Variants in FAT3 observed in about 807,000 individuals in gnomAD.
FAT3 encodes the protein protocadherin Fat 3.
A neutral mutation model predicts 310.2 loss-of-function variants in FAT3; 95 were observed. That is an observed-to-expected ratio of 0.31 (90% CI 0.26 to 0.36). FAT3 has a LOEUF of 0.36. Among genes scored for constraint, FAT3 ranks in the 10% least tolerant of loss-of-function variants. FAT3 has a pLI of 1.00. For missense variants in FAT3, 5,408 were observed against 5,715.6 expected (o/e 0.95, Z 1.74); for synonymous variants, 2,314 against 2,192.9 (o/e 1.06, Z -1.54).
rs1948624589 is a variant in FAT3, at chr11:92,353,377, T to G, written c.1265T>G (p.Ile422Ser). 2 of 1,613,460 alleles carry G rather than the reference T, an allele frequency of 1.2e-6. No homozygotes were observed. Among genetic ancestry groups the G allele is most frequent in the East Asian group, 4.5e-5 (2 of 44,862 alleles). The change falls in exon 2 of 28, where the codon ATT (isoleucine) becomes AGT (serine). Residue 422 changes from isoleucine (I) to serine (S), a missense_variant. Coordinates refer to ENST00000525166, the MANE Select transcript of FAT3 (RefSeq NM_001367949.2). ...GGTGAGGATGCAGTGTACTTTAAAA[T>G]TAATCCTCGGTCGGGTCTGATTGTT... ...SPGEDAVYFK[I>S]NPRSGLIVTA...
chr11:92,822,107 A>AT, intron 13 of FAT3, among the ~76,000 whole-genome samples: 1 of 152,188 alleles, frequency 6.6e-6, no homozygotes, highest in Middle Eastern at 3.4e-3. Flanking sequence ...TTACCCTTTT[A>AT]AACATCCAGT....
intron 1 of FAT3, among the ~76,000 whole-genome samples, chr11:92,343,244 T>C (rs1470614508): frequency 6.6e-6 from 1 of 152,174 alleles, no homozygotes; most frequent in Non-Finnish European, 1.5e-5. Flanking sequence ...TTTACAGTAT[T>C]ATTATGATGA....
intron 4 of FAT3, among the ~76,000 whole-genome samples, chr11:92,731,992 A>G (rs1945195961): frequency 1.3e-5 from 2 of 152,200 alleles, no homozygotes; most frequent in South Asian, 2.1e-4. Flanking sequence ...ATGAATTCCA[A>G]TTGCCTATAG....
Position 92,352,300 on chromosome 11 carries a change from A to G in FAT3, c.188A>G (p.Asn63Ser), listed in dbSNP as rs769023260. The G allele has an allele frequency of 2.0e-6, 3 of 1,510,158 alleles. No homozygotes were observed. The highest frequency in any genetic ancestry group is 2.7e-6 in the Non-Finnish European group (3 of 1,114,976). 93.5% of individuals were successfully genotyped at this position (1,510,158 alleles called of 1,614,324 possible). A position where few individuals can be genotyped will look rare whatever the true frequency, so the allele number is the denominator to read the frequency against. ...AACTCAGCAGCAAGGACCTACGTCA[A>G]CAGCCAGAGTAGAATGGGCATCACC... Reference protein sequence around the residue: ...YENSAARTYVNSQSRMGITLI... With the variant: ...YENSAARTYVSSQSRMGITLI... Residue 63 changes from asparagine to serine, a missense_variant, in exon 2 of 28, where the codon AAC (asparagine) becomes AGC (serine). This residue lies in a region of FAT3 where 152 missense variants were observed against 188.3 expected (regional missense o/e 0.81). Coordinates refer to ENST00000525166, the MANE Select transcript of FAT3 (RefSeq NM_001367949.2).
intron 1 of FAT3, among the ~76,000 whole-genome samples, chr11:92,304,844 G>A (rs1947081368): frequency 6.6e-6 from 1 of 152,072 alleles, no homozygotes; most frequent in Non-Finnish European, 1.5e-5. Flanking sequence ...CATCCTATGG[G>A]TCCTTTTGGG....
At chr11:92,634,576 G>A (rs1231481904) in intron 3 of FAT3, among the ~76,000 whole-genome samples, 1 of 152,114 alleles carries the variant, frequency 6.6e-6, no homozygotes, top group East Asian at 1.9e-4. Context: ...AAAGAGTAGA[G>A]CGCAGGGCTT....
chr11:92,635,167 G>T (rs547521220), intron 3 of FAT3, among the ~76,000 whole-genome samples: 1 of 152,154 alleles, frequency 6.6e-6, no homozygotes, highest in Non-Finnish European at 1.5e-5. Context: ...TCCTTGTGCT[G>T]CTCCCCTGTT....
intron 3 of FAT3, among the ~76,000 whole-genome samples, chr11:92,567,827 A>G (rs1482575005): frequency 4.1e-5 from 6 of 146,044 alleles, no homozygotes; most frequent in Non-Finnish European, 7.5e-5. Flanking sequence ...ATAGGTGGGA[A>G]TTGAACAATG....
chr11:92,535,113 G>A (rs182272812), intron 3 of FAT3, among the ~76,000 whole-genome samples: 1 of 152,250 alleles, frequency 6.6e-6, no homozygotes, highest in East Asian at 1.9e-4. Context: ...ATACCTTTAT[G>A]CTTCTGTAGT....
Position 92,653,235 on chromosome 11 carries a change from C to T in FAT3, c.3608-44149C>T, listed in dbSNP as rs1423832050. On this transcript the variant is annotated intron_variant, in intron 3 of 27. Transcript: ENST00000525166. Reference sequence around the variant, plus strand: ...GTGTGTGTGCTCGCATGCGTGTGCACACGTGTGCATGTCCTTCGGTATCCA... The same window carrying T: ...GTGTGTGTGCTCGCATGCGTGTGCATACGTGTGCATGTCCTTCGGTATCCA... Among the ~76,000 whole-genome samples, 5 of 108,428 alleles carry T rather than the reference C, an allele frequency of 4.6e-5. No individual in the cohort carries two copies. In the East Asian group the frequency reaches 9.6e-4, roughly 21 times the overall value. 71.1% of individuals were successfully genotyped at this position (108,428 alleles called of 152,430 possible). A position where few individuals can be genotyped will look rare whatever the true frequency, so the allele number is the denominator to read the frequency against.
chr11:92,395,325 A>G (rs151327859), intron 2 of FAT3, among the ~76,000 whole-genome samples: 1 of 152,300 alleles, frequency 6.6e-6, no homozygotes, highest in East Asian at 1.9e-4. Context: ...AAGTATTTGT[A>G]GGAACAGTGC....
intron 2 of FAT3, among the ~76,000 whole-genome samples, chr11:92,365,263 C>G (rs1174825329): frequency 1.3e-5 from 2 of 151,914 alleles, no homozygotes; most frequent in African/African-American, 4.8e-5. Flanking sequence ...GAGTGAGACC[C>G]TGTATGAAAA....
intron 4 of FAT3, among the ~76,000 whole-genome samples, chr11:92,760,874 C>G (rs1311938125): frequency 6.6e-6 from 1 of 152,156 alleles, no homozygotes; most frequent in Non-Finnish European, 1.5e-5. Context: ...TCTTTTCTAT[C>G]TCAATTTTCA....
intron 1 of FAT3, among the ~76,000 whole-genome samples, chr11:92,327,388 C>G (rs1204270172): frequency 6.6e-6 from 1 of 152,088 alleles, no homozygotes; most frequent in Non-Finnish European, 1.5e-5. Context: ...TTGGAGGATT[C>G]AAGCTCTGAT....
chr11:92,504,241 A>G (rs943526433), intron 2 of FAT3, among the ~76,000 whole-genome samples: 3 of 152,196 alleles, frequency 2.0e-5, no homozygotes, highest in African/African-American at 7.2e-5. Flanking sequence ...TTGGGAGGTC[A>G]GTACTCAGAC....
At chr11:92,486,826 G>A (rs1228136893) in intron 2 of FAT3, among the ~76,000 whole-genome samples, 1 of 152,140 alleles carries the variant, frequency 6.6e-6, no homozygotes, top group Non-Finnish European at 1.5e-5. Flanking sequence ...AGAATTAGAG[G>A]AGGGTTTGAA....
intron 22 of FAT3, among the ~76,000 whole-genome samples, chr11:92,871,653 A>C (rs146063670): frequency 6.6e-6 from 1 of 152,310 alleles, no homozygotes; most frequent in Non-Finnish European, 1.5e-5. Context: ...CCACATCAGG[A>C]ACTTTCTGCT....
chr11:92,459,898 C>G (rs1202405456), intron 2 of FAT3, among the ~76,000 whole-genome samples: 1 of 152,002 alleles, frequency 6.6e-6, no homozygotes. Context: ...GCCTTATATA[C>G]ATTCCTGGAG....
intron 2 of FAT3, among the ~76,000 whole-genome samples, chr11:92,362,900 T>A (rs1238857430): frequency 6.6e-6 from 1 of 152,216 alleles, no homozygotes; most frequent in Non-Finnish European, 1.5e-5. Context: ...GAGATAATAA[T>A]TATCCAATGC....
Sources: gnomAD v4.1 joint callset for allele counts (sites outside exome capture counted in the v4.1 genomes callset) on GRCh38, gnomAD v4.1.1 for gene constraint, gnomAD v4.1.1 regional missense constraint, MANE v1.5 for transcripts, NCBI Gene and HGNC (gene_info 2026-07-23, HGNC 2026-07-21) for gene names.